The following RAPH1 variants were observed in gnomAD, a reference collection of about 807,000 sequenced individuals.
RAPH1 encodes ras-associated and pleckstrin homology domains-containing protein 1.
A neutral mutation model predicts 88.1 loss-of-function variants in RAPH1; 18 were observed. The observed-to-expected ratio is 0.20, with a 90% CI of 0.14 to 0.30. The LOEUF (loss-of-function observed/expected upper bound fraction) is 0.30. RAPH1 is among the 10% of genes least tolerant of loss of function. RAPH1 has a pLI of 1.00. For synonymous variants in RAPH1, 587 were observed against 559.0 expected, an observed-to-expected ratio of 1.05 and a Z score of -0.71; for missense variants, 1,448 against 1,543.2, an observed-to-expected ratio of 0.94 and a Z score of 1.03.
At chr2:203,461,783 C>T in intron 5 of RAPH1, 65 bp downstream of exon 5, 1 of 1,176,136 alleles carries the variant, frequency 8.5e-7, no homozygotes, top group Middle Eastern at 2.0e-4. Context: ...ATAAACAAGG[C>T]AATTCTTCAC....
At chr2:203,485,955 G>A (rs559833062) in intron 4 of RAPH1, among the ~76,000 whole-genome samples, 12 of 152,074 alleles carry the variant, frequency 7.9e-5, no homozygotes, top group Non-Finnish European at 1.3e-4. Context: ...GAACAATGGG[G>A]ACCATCCTCA....
chr2:203,495,397 T>C, intron 1 of RAPH1, 44 bp from the exon 2 acceptor site: 1 of 1,606,962 alleles, frequency 6.2e-7, no homozygotes, highest in South Asian at 1.1e-5. Context: ...AAGTTACAGG[T>C]TTAACTTGAA....
intron 13 of RAPH1, 124 bp from the exon 14 acceptor site, chr2:203,441,537 C>T: frequency 7.2e-7 from 1 of 1,396,736 alleles, no homozygotes; most frequent in Non-Finnish European, 9.3e-7. Context: ...GAAAAGGATG[C>T]AGAAGTTGGT....
intron 1 of RAPH1, among the ~76,000 whole-genome samples, chr2:203,510,525 G>A (rs1422888952): frequency 6.6e-6 from 1 of 151,980 alleles, no homozygotes; most frequent in Admixed American, 6.6e-5. Flanking sequence ...CATCCCCCAG[G>A]CAATTAAGAC....
rs1011937617 is a variant in RAPH1, at chr2:203,488,509, A to C, written c.732+1075T>G. Among the ~76,000 whole-genome samples, 4 of 142,690 alleles carry C rather than the reference A, an allele frequency of 2.8e-5. No homozygotes were observed. The Admixed American group carries it at 3.0e-4, about 11-fold the overall frequency. The allele number at this position is 142,690 out of a possible 152,430, so 93.6% of individuals were successfully genotyped here. A position where few individuals can be genotyped will look rare whatever the true frequency, so the allele number is the denominator to read the frequency against. On this transcript the variant is annotated intron_variant, in intron 4 of 13. Transcript: ENST00000319170. The stretch of plus-strand genomic sequence containing the variant: ...GAGGCTGAGGCAGGAGAATCACTTA[A>C]CCCGGGAGGCAAGGTTGCAGTGAGC...
rs1218126276 is a variant in RAPH1, at chr2:203,437,693, G to C, written c.*1744C>G. 4 of 154,816 alleles carry C rather than the reference G, an allele frequency of 2.6e-5. No homozygotes were observed. The highest frequency in any genetic ancestry group is 9.7e-5 in the African/African-American group (4 of 41,434). 9.6% of individuals were successfully genotyped at this position (154,816 alleles called of 1,614,324 possible). A position where few individuals can be genotyped will look rare whatever the true frequency, so the allele number is the denominator to read the frequency against. The stretch of plus-strand genomic sequence containing the variant: ...TACGATGCGGTTTTCGTGGAGTGTG[G>C]GTTATGCAAGACCTTGAGTATACTG... On this transcript the variant is annotated 3_prime_UTR_variant, in exon 14 of 14. Transcript: ENST00000319170.
At chr2:203,507,880 G>A (rs1043455173) in intron 1 of RAPH1, among the ~76,000 whole-genome samples, 4 of 152,108 alleles carry the variant, frequency 2.6e-5, no homozygotes, top group African/African-American at 9.7e-5. Flanking sequence ...TTTGATAACA[G>A]TATTGCAGTG....
At position 203,440,838 on chromosome 2, in the gene RAPH1, G is replaced by T. The variant is rs771564213; in HGVS notation, c.2352C>A (p.Thr784=). Residue 784 remains threonine (T), a synonymous_variant, in exon 14 of 14, where the codon ACC becomes ACA. Coordinates refer to ENST00000319170, the MANE Select transcript of RAPH1 (RefSeq NM_213589.3). ...PPQAPPKPLV[T]IPAPTSTKTV... The stretch of plus-strand genomic sequence containing the variant: ...TCTTGGTGCTGGTTGGTGCGGGGAT[G>T]GTCACAAGGGGTTTTGGGGGAGCTT... 7 of 1,566,020 alleles carry T rather than the reference G, an allele frequency of 4.5e-6. No individual in the cohort carries two copies. The Admixed American group carries it at 1.1e-4, about 24-fold the overall frequency.
chr2:203,528,052 T>C (rs553291588), intron 1 of RAPH1, among the ~76,000 whole-genome samples: 5 of 152,272 alleles, frequency 3.3e-5, no homozygotes, highest in South Asian at 2.1e-4. Flanking sequence ...ATTTAAAAAA[T>C]TGTGCAATTT....
chr2:203,442,058 G>C, intron 13 of RAPH1: 1 of 1,594,636 alleles, frequency 6.3e-7, no homozygotes, highest in Non-Finnish European at 8.5e-7. Flanking sequence ...GGTAAAGGGG[G>C]GACATTCTTT....
At chr2:203,506,226 T>C (rs1688988089) in intron 1 of RAPH1, among the ~76,000 whole-genome samples, 1 of 151,946 alleles carries the variant, frequency 6.6e-6, no homozygotes, top group African/African-American at 2.4e-5. Context: ...AAACTCAAGG[T>C]TTCAAACAGA....
In RAPH1 at chr2:203,441,967, C is replaced by G. The variant is rs1188907863; in HGVS notation, c.1777-554G>C. 4 of 1,483,970 alleles carry G rather than the reference C, an allele frequency of 2.7e-6. No homozygotes were observed. In the African/African-American group the frequency reaches 5.8e-5, roughly 21 times the overall value. The allele number at this position is 1,483,970 out of a possible 1,614,324, so 91.9% of individuals were successfully genotyped here. On this transcript the variant is annotated intron_variant, in intron 13 of 13. Coordinates refer to ENST00000319170, the MANE Select transcript of RAPH1 (RefSeq NM_213589.3). Reference sequence around the variant, plus strand: ...TGTTGAGCAGGCGTGCACAGTCACACAGGAATGAATAAGCTTGACACACAC... The same window carrying G: ...TGTTGAGCAGGCGTGCACAGTCACAGAGGAATGAATAAGCTTGACACACAC...
chr2:203,482,372 G>A (rs1386581974), intron 4 of RAPH1, among the ~76,000 whole-genome samples: 3 of 152,088 alleles, frequency 2.0e-5, no homozygotes, highest in Non-Finnish European at 4.4e-5. Context: ...TTTTAGTAGA[G>A]ATGGGGTTTC....
rs188790302 is a variant in RAPH1 at position 203,455,588 on chromosome 2, A to C, written c.1159-8T>G. Reference sequence around the variant, plus strand: ...ACTTCCACAAAAACATTCCTAAAATAACAAGATTATTTGCAAAGACTTATG... The same window carrying C: ...ACTTCCACAAAAACATTCCTAAAATCACAAGATTATTTGCAAAGACTTATG... On this transcript the variant is annotated splice_polypyrimidine_tract_variant and splice_region_variant and intron_variant, in intron 8 of 13. Transcript: ENST00000319170. 1.7e-5 allele frequency: 28 copies of C among 1,610,726 alleles called. No homozygotes were observed. Among genetic ancestry groups the C allele is most frequent in the Non-Finnish European group, 2.2e-5 (26 of 1,178,536 alleles).
At chr2:203,478,782 C>T (rs1394752064) in intron 4 of RAPH1, among the ~76,000 whole-genome samples, 1 of 152,212 alleles carries the variant, frequency 6.6e-6, no homozygotes, top group Non-Finnish European at 1.5e-5. Context: ...AGCCACTGCG[C>T]CCAGCCAACA....
At position 203,438,309 on chromosome 2, in the gene RAPH1, AG is replaced by A. The variant is rs2098500139; in HGVS notation, c.*1127del. 2.5e-6 allele frequency: 1 copy of A among 400,022 alleles called. No homozygotes were observed. The highest frequency in any genetic ancestry group is 2.1e-5 in the African/African-American group (1 of 48,210). 24.8% of individuals were successfully genotyped at this position (400,022 alleles called of 1,614,324 possible). A position where few individuals can be genotyped will look rare whatever the true frequency, so the allele number is the denominator to read the frequency against. The stretch of plus-strand genomic sequence containing the variant: ...GATTAATGACACCTGTACAGGGGCC[AG>A]TTCTGTTCTCTCATCACCCTTCCCT... On this transcript the variant is annotated 3_prime_UTR_variant, in exon 14 of 14. Transcript: ENST00000319170.
At chr2:203,521,587 G>A (rs530558310) in intron 1 of RAPH1, among the ~76,000 whole-genome samples, 1 of 152,080 alleles carries the variant, frequency 6.6e-6, no homozygotes. Flanking sequence ...TGGTGAATAT[G>A]TAGATGTCTA....
chr2:203,466,074 T>C (rs2098528197), intron 4 of RAPH1, among the ~76,000 whole-genome samples: 1 of 152,228 alleles, frequency 6.6e-6, no homozygotes, highest in Non-Finnish European at 1.5e-5. Flanking sequence ...TCTTTATGCT[T>C]ACATAAAGTG....
intron 1 of RAPH1, among the ~76,000 whole-genome samples, chr2:203,505,284 T>C (rs1688933377): frequency 2.0e-5 from 3 of 152,102 alleles, no homozygotes; most frequent in African/African-American, 7.2e-5. Context: ...GGCCTCAGAA[T>C]CATGGTGGGA....
Sources: allele counts gnomAD v4.1 joint callset (sites outside exome capture counted in the v4.1 genomes callset), GRCh38; gene constraint gnomAD v4.1.1; transcripts MANE v1.5; gene names NCBI Gene and HGNC (gene_info 2026-07-23, HGNC 2026-07-21).